SHLD1: variants seen among roughly 807,000 people sequenced by gnomAD.
SHLD1 encodes RINN1-REV7-interacting novel NHEJ regulator 3.
In SHLD1, 3 loss-of-function variants were observed where a neutral mutation model predicts 5.5. That is an observed-to-expected ratio of 0.54 (90% confidence interval 0.25 to 1.40). The LOEUF is 1.40. Among genes scored for constraint, SHLD1 ranks in the 40% most tolerant of loss-of-function variants. The probability of loss-of-function intolerance (pLI) is 0.15; values close to 1 mark genes in which losing one functional copy is unlikely to be tolerated. For synonymous variants in SHLD1, 92 were observed against 94.3 expected, an observed-to-expected ratio of 0.98 and a Z score of 0.14; for missense variants, 210 against 244.4, an observed-to-expected ratio of 0.86 and a Z score of 0.94.
At chr20:5,826,652 G>C (rs1189248313) in intron 2 of SHLD1, among the ~76,000 whole-genome samples, 8 of 152,110 alleles carry the variant, frequency 5.3e-5, no homozygotes, top group African/African-American at 1.9e-4. Flanking sequence ...CAGTGCAGTA[G>C]TTGAGAATAT....
intron 2 of SHLD1, among the ~76,000 whole-genome samples, chr20:5,775,923 A>ATGTTTTTGTTTTT (rs1985401809): frequency 1.3e-5 from 1 of 77,678 alleles, no homozygotes; most frequent in African/African-American, 6.0e-5. Flanking sequence ...TCAGCTCAGG[A>ATGTTTTTGTTTTT]TTTTTTTTTT....
chr20:5,830,348 T>C (rs1470928345), intron 2 of SHLD1, among the ~76,000 whole-genome samples: 1 of 151,828 alleles, frequency 6.6e-6, no homozygotes, highest in African/African-American at 2.4e-5. Flanking sequence ...TAGCAAAGAG[T>C]ACATACTGCA....
At chr20:5,751,468 G>C (rs1983746258) in intron 1 of SHLD1, among the ~76,000 whole-genome samples, 1 of 151,978 alleles carries the variant, frequency 6.6e-6, no homozygotes, top group African/African-American at 2.4e-5. Flanking sequence ...CACCACGTTC[G>C]ACTAATTTTT....
At chr20:5,776,259 A>G (rs1478996042) in intron 2 of SHLD1, among the ~76,000 whole-genome samples, 1 of 152,120 alleles carries the variant, frequency 6.6e-6, no homozygotes, top group African/African-American at 2.4e-5. Context: ...TTTATCACAA[A>G]TACCATACAC....
chr20:5,838,622 A>G (rs992234401), intron 2 of SHLD1, among the ~76,000 whole-genome samples: 17 of 152,054 alleles, frequency 1.1e-4, no homozygotes, highest in Non-Finnish European at 2.1e-4. Flanking sequence ...TTAGCCAGGC[A>G]TGGTGGCAGG....
intron 2 of SHLD1, among the ~76,000 whole-genome samples, chr20:5,848,346 C>G (rs1445757323): frequency 6.6e-6 from 1 of 152,184 alleles, no homozygotes; most frequent in Non-Finnish European, 1.5e-5. Context: ...TTGAGAACAG[C>G]CTGGCCAACA....
intron 2 of SHLD1, among the ~76,000 whole-genome samples, chr20:5,834,055 A>G (rs994894881): frequency 1.3e-5 from 2 of 152,226 alleles, no homozygotes; most frequent in Non-Finnish European, 2.9e-5. Context: ...CTTAGGATCC[A>G]GATATCTGCC....
rs150675433 is a variant in SHLD1, at chr20:5,844,770, C to CATATAT, written c.179-18229_179-18224dup. ...ATAATATCTATCACTGTGTAGTAGA[C>CATATAT]ATATATATATATATATATATATATA... On this transcript the variant is annotated intron_variant, in intron 2 of 2. Coordinates refer to ENST00000303142, the MANE Select transcript of SHLD1 (RefSeq NM_152504.4). 2.1e-3 allele frequency among the ~76,000 whole-genome samples: 208 copies of CATATAT among 101,018 alleles called. 1 individual carries two copies. The highest frequency in any genetic ancestry group is 0.012 in the East Asian group (36 of 3,076). 66.3% of individuals were successfully genotyped at this position (101,018 alleles called of 152,430 possible).
chr20:5,835,029 A>G (rs961807602), intron 2 of SHLD1, among the ~76,000 whole-genome samples: 1 of 152,222 alleles, frequency 6.6e-6, no homozygotes, highest in African/African-American at 2.4e-5. Context: ...AGGGGAACAC[A>G]TTCAGATGAT....
intron 2 of SHLD1, among the ~76,000 whole-genome samples, chr20:5,786,285 G>A (rs1179349653): frequency 6.6e-6 from 1 of 152,166 alleles, no homozygotes; most frequent in Non-Finnish European, 1.5e-5. Context: ...TGGCCATAAA[G>A]AAATTATCTG....
At chr20:5,788,279 T>A (rs887417854) in intron 2 of SHLD1, among the ~76,000 whole-genome samples, 4 of 147,216 alleles carry the variant, frequency 2.7e-5, no homozygotes, top group Admixed American at 1.4e-4. Flanking sequence ...CCCCATTTCT[T>A]CCTAGTATAT....
chr20:5,758,775 G>A (rs186474431), intron 1 of SHLD1, among the ~76,000 whole-genome samples: 1 of 152,078 alleles, frequency 6.6e-6, no homozygotes, highest in Non-Finnish European at 1.5e-5. Flanking sequence ...CAGGCAAAGA[G>A]GTGGGAGGAC....
intron 2 of SHLD1, among the ~76,000 whole-genome samples, chr20:5,859,297 A>T (rs1480560843): frequency 6.6e-6 from 1 of 152,046 alleles, no homozygotes; most frequent in Non-Finnish European, 1.5e-5. Flanking sequence ...GGGCAGGGGG[A>T]CATTATTGGT....
At chr20:5,820,904 G>T (rs1484181643) in intron 2 of SHLD1, among the ~76,000 whole-genome samples, 1 of 152,162 alleles carries the variant, frequency 6.6e-6, no homozygotes, top group Non-Finnish European at 1.5e-5. Flanking sequence ...CTAGATCTAG[G>T]CTGTCTTAGA....
At chr20:5,833,935 A>G (rs1361826955) in intron 2 of SHLD1, among the ~76,000 whole-genome samples, 2 of 152,198 alleles carry the variant, frequency 1.3e-5, no homozygotes, top group Non-Finnish European at 2.9e-5. Context: ...GTGGTCCTAT[A>G]GCCCTCTCTT....
Position 5,844,785 on chromosome 20 carries a change from A to ATTTTTTTT in SHLD1, c.179-18238_179-18237insTTTTTTTT, listed in dbSNP as rs1451016272. Among the ~76,000 whole-genome samples the ATTTTTTTT allele has an allele frequency of 7.8e-5, 8 of 102,368 alleles. No homozygotes were observed. In the East Asian group the frequency reaches 1.1e-3, roughly 14 times the overall value. 67.2% of individuals were successfully genotyped at this position (102,368 alleles called of 152,430 possible). ...GTGTAGTAGACATATATATATATAT[A>ATTTTTTTT]TATATATATATATATTTTTTTTTTT... On this transcript the variant is annotated intron_variant, in intron 2 of 2. Transcript: ENST00000303142.
intron 2 of SHLD1, among the ~76,000 whole-genome samples, chr20:5,832,582 C>A (rs2087741419): frequency 6.6e-6 from 1 of 152,052 alleles, no homozygotes; most frequent in Non-Finnish European, 1.5e-5. Flanking sequence ...GGACTATAGG[C>A]ATGTGTCATC....
intron 2 of SHLD1, among the ~76,000 whole-genome samples, chr20:5,836,098 T>G (rs1481072480): frequency 2.0e-5 from 3 of 152,060 alleles, no homozygotes; most frequent in Non-Finnish European, 2.9e-5. Flanking sequence ...ACTGGTTGTT[T>G]TTTTTTTTTA....
intron 2 of SHLD1, among the ~76,000 whole-genome samples, chr20:5,829,799 C>A (rs921175820): frequency 6.6e-6 from 1 of 152,034 alleles, no homozygotes; most frequent in African/African-American, 2.4e-5. Context: ...TTTTGCTAGG[C>A]AGCTTGTCCT....
Sources: allele counts gnomAD v4.1 joint callset (sites outside exome capture counted in the v4.1 genomes callset), GRCh38; gene constraint gnomAD v4.1.1; transcripts MANE v1.5; gene names NCBI Gene and HGNC (gene_info 2026-07-23, HGNC 2026-07-21).